Variants in CHRM3 observed in about 807,000 individuals in gnomAD.
CHRM3 encodes the protein cholinergic receptor muscarinic 3.
CHRM3 carries 11 observed loss-of-function variants against 41.8 expected under a neutral mutation model. That is an observed-to-expected ratio of 0.26 (90% confidence interval 0.17 to 0.44). The LOEUF (loss-of-function observed/expected upper bound fraction) is 0.44. CHRM3 is among the 20% of genes least tolerant of loss of function. The pLI is 1.00. For missense variants in CHRM3, 571 were observed against 745.4 expected, an observed-to-expected ratio of 0.77 and a Z score of 2.72; for synonymous variants, 297 against 301.4, an observed-to-expected ratio of 0.99 and a Z score of 0.15.
At position 239,388,541 on chromosome 1, in the gene CHRM3, C is replaced by T. The variant is rs1215098373; in HGVS notation, c.-521+1314C>T. 2.6e-5 allele frequency among the ~76,000 whole-genome samples: 4 copies of T among 152,294 alleles called. No individual in the cohort carries two copies. The East Asian group carries it at 7.7e-4, about 29-fold the overall frequency. On this transcript the variant is annotated intron_variant, in intron 1 of 6. Coordinates refer to ENST00000676153, the MANE Select transcript of CHRM3 (RefSeq NM_001375978.1). ...TCATCATTATTTCCTGTGTTTAAAA[C>T]AATGCCCATGTATTTACTTAAGAGA... is the stretch of plus-strand genomic sequence containing the variant.
chr1:239,702,733 C>T (rs1332121378), intron 5 of CHRM3, among the ~76,000 whole-genome samples: 1 of 152,204 alleles, frequency 6.6e-6, no homozygotes, highest in Non-Finnish European at 1.5e-5. Flanking sequence ...GCCTCAGCTT[C>T]CTGAGTAGCT....
intron 5 of CHRM3, among the ~76,000 whole-genome samples, chr1:239,813,147 G>A (rs1007246916): frequency 5.3e-5 from 8 of 152,132 alleles, no homozygotes; most frequent in South Asian, 4.2e-4. Flanking sequence ...ACGTGGTGGC[G>A]GGTGCCTGTA....
At chr1:239,870,348 C>T (rs1447062462) in intron 6 of CHRM3, among the ~76,000 whole-genome samples, 9 of 152,130 alleles carry the variant, frequency 5.9e-5, no homozygotes, top group African/African-American at 1.2e-4. Flanking sequence ...TTCCAGGCAG[C>T]GAGGACAGAT....
intron 4 of CHRM3, among the ~76,000 whole-genome samples, chr1:239,676,582 A>T (rs1404244092): frequency 6.6e-6 from 1 of 152,160 alleles, no homozygotes; most frequent in Non-Finnish European, 1.5e-5. Flanking sequence ...ATTGTGCCAC[A>T]CTTAACTTCT....
At chr1:239,396,546 C>A (rs1659496582) in intron 1 of CHRM3, among the ~76,000 whole-genome samples, 1 of 152,058 alleles carries the variant, frequency 6.6e-6, no homozygotes, top group African/African-American at 2.4e-5. Context: ...CCCATTAGTT[C>A]AAAGCTGCAG....
chr1:239,518,306 G>T (rs1373191320), intron 2 of CHRM3, among the ~76,000 whole-genome samples: 5 of 152,164 alleles, frequency 3.3e-5, no homozygotes, highest in Non-Finnish European at 5.9e-5. Context: ...CTTCATAAGA[G>T]AATCAAATGA....
At chr1:239,879,620 C>T (rs934607741) in intron 6 of CHRM3, among the ~76,000 whole-genome samples, 1 of 152,206 alleles carries the variant, frequency 6.6e-6, no homozygotes, top group Non-Finnish European at 1.5e-5. Context: ...ACTGTTTTCC[C>T]CACAGGCGTG....
intron 5 of CHRM3, among the ~76,000 whole-genome samples, chr1:239,716,668 A>T (rs779040309): frequency 1.3e-5 from 2 of 152,038 alleles, no homozygotes; most frequent in African/African-American, 2.4e-5. Flanking sequence ...AGGAAAGCTA[A>T]CCAGTGGGTC....
chr1:239,528,702 T>C (rs1423234578), intron 2 of CHRM3, among the ~76,000 whole-genome samples: 1 of 152,112 alleles, frequency 6.6e-6, no homozygotes, highest in East Asian at 1.9e-4. Flanking sequence ...ATACCAGCCC[T>C]GCCAACATGG....
intron 3 of CHRM3, among the ~76,000 whole-genome samples, chr1:239,597,338 CA>C (rs1464247613): frequency 6.6e-6 from 1 of 152,110 alleles, no homozygotes; most frequent in Non-Finnish European, 1.5e-5. Context: ...GCCCTATACA[CA>C]AGGAAATTTA....
At chr1:239,697,728 A>G (rs1660329261) in intron 5 of CHRM3, among the ~76,000 whole-genome samples, 1 of 152,170 alleles carries the variant, frequency 6.6e-6, no homozygotes. Flanking sequence ...AAGGCCGAAG[A>G]GCTAAAACCT....
intron 5 of CHRM3, among the ~76,000 whole-genome samples, chr1:239,813,929 A>AAAAAAAG (rs1671357762): frequency 6.7e-6 from 1 of 149,770 alleles, no homozygotes; most frequent in Admixed American, 6.6e-5. Context: ...AAAAAAAAAA[A>AAAAAAAG]AAAAACTCAC....
chr1:239,742,334 TCTG>T (rs1402481510), intron 5 of CHRM3, among the ~76,000 whole-genome samples: 1 of 152,188 alleles, frequency 6.6e-6, no homozygotes. Flanking sequence ...AAGTAGGTCT[TCTG>T]CTGGTCTGGC....
At chr1:239,778,276 CT>C in intron 5 of CHRM3, among the ~76,000 whole-genome samples, 1 of 152,252 alleles carries the variant, frequency 6.6e-6, no homozygotes, top group South Asian at 2.1e-4. Flanking sequence ...TGCAAACCAT[CT>C]TTTGGAGTTC....
intron 3 of CHRM3, among the ~76,000 whole-genome samples, chr1:239,607,224 C>G (rs1482555851): frequency 6.6e-6 from 1 of 152,132 alleles, no homozygotes; most frequent in African/African-American, 2.4e-5. Context: ...GACTCAGTAC[C>G]TTATCTCATC....
At chr1:239,876,039 C>T (rs945357100) in intron 6 of CHRM3, among the ~76,000 whole-genome samples, 1 of 152,154 alleles carries the variant, frequency 6.6e-6, no homozygotes, top group East Asian at 1.9e-4. Context: ...AAGCTGATTG[C>T]CATACCTTTC....
chr1:239,428,755 CAT>C, intron 1 of CHRM3, among the ~76,000 whole-genome samples: 1 of 152,162 alleles, frequency 6.6e-6, no homozygotes, highest in East Asian at 1.9e-4. Context: ...AATATGCCAG[CAT>C]AACTCTATTT....
chr1:239,889,318 C>G (rs1297888556), intron 6 of CHRM3, among the ~76,000 whole-genome samples: 1 of 151,536 alleles, frequency 6.6e-6, no homozygotes, highest in Admixed American at 6.6e-5. Context: ...TTCTGGTAGC[C>G]CCCCCTCTAA....
At chr1:239,767,168 A>T (rs1452885093) in intron 5 of CHRM3, among the ~76,000 whole-genome samples, 1 of 152,110 alleles carries the variant, frequency 6.6e-6, no homozygotes, top group Non-Finnish European at 1.5e-5. Flanking sequence ...TCTTTGTCAC[A>T]TGGAACATGA....
Sources: gnomAD v4.1 joint callset for allele counts (sites outside exome capture counted in the v4.1 genomes callset) on GRCh38, gnomAD v4.1.1 for gene constraint, MANE v1.5 for transcripts, NCBI Gene and HGNC (gene_info 2026-07-23, HGNC 2026-07-21) for gene names.